PCDHGA6: variants seen among roughly 807,000 people sequenced by gnomAD.
The protein encoded by PCDHGA6 is protocadherin gamma-A6.
A neutral mutation model predicts 60.6 loss-of-function variants in PCDHGA6; 41 were observed. The ratio of observed to expected loss-of-function variants is 0.68; its 90% CI spans 0.53 to 0.88. The LOEUF (loss-of-function observed/expected upper bound fraction) is 0.88, where lower values mean the gene tolerates loss of function less well. Ranked by LOEUF, PCDHGA6 falls within the 40% of genes least tolerant of loss-of-function variation. The probability of loss-of-function intolerance (pLI) is 0.00; values close to 1 mark genes in which losing one functional copy is unlikely to be tolerated. For missense variants in PCDHGA6, 1,312 were observed against 1,203.0 expected (o/e 1.09, Z -1.34); for synonymous variants, 594 against 524.4 (o/e 1.13, Z -1.81).
chr5:141,421,246 C>T (rs1047768415), intron 1 of PCDHGA6: 16 of 1,603,622 alleles, frequency 1.0e-5, no homozygotes, highest in Admixed American at 1.7e-5. Flanking sequence ...TCGGCTACAG[C>T]GCGGGGACCG....
intron 1 of PCDHGA6, chr5:141,393,429 G>GCAA (rs761074463): frequency 2.5e-6 from 4 of 1,613,910 alleles, no homozygotes; most frequent in South Asian, 1.1e-5. Flanking sequence ...GGAGGAAGAG[G>GCAA]CTGCTCACCA....
intron 1 of PCDHGA6, chr5:141,392,226 A>C (rs1468453380): frequency 1.3e-5 from 2 of 152,228 alleles, no homozygotes; most frequent in Non-Finnish European, 2.9e-5. Flanking sequence ...GTGACAACTG[A>C]AGTTCTTAGT....
At position 141,376,323 on chromosome 5, in the gene PCDHGA6, G is replaced by C; in HGVS notation, c.2240G>C (p.Arg747Pro). ...CACTTTGTGGGCGTGGAAGGGGTTC[G>C]GGCTTTCCTGCAGACCTATTCCCAC... Reference protein sequence around the residue: ...GSHFVGVEGVRAFLQTYSHEV... With the variant: ...GSHFVGVEGVPAFLQTYSHEV... The change falls in exon 1 of 4, where the codon CGG becomes CCG. Residue 747 changes from arginine (R) to proline (P), a missense_variant. Arg to Pro is a moderately radical substitution (Grantham distance 103). Transcript: ENST00000517434. 4 of 1,614,162 alleles carry C rather than the reference G, an allele frequency of 2.5e-6. No homozygotes were observed. The highest frequency in any genetic ancestry group is 3.4e-6 in the Non-Finnish European group (4 of 1,180,038).
rs1179408656 is a variant in PCDHGA6, at chr5:141,395,537, A to ATTGT, written c.2424+19035_2424+19038dup. 1,010 of 243,944 alleles carry ATTGT rather than the reference A, an allele frequency of 4.1e-3. 17 individuals are homozygous for ATTGT. In the African/African-American group the frequency reaches 0.049, roughly 12 times the overall value. The allele number at this position is 243,944 out of a possible 1,614,324, so 15.1% of individuals were successfully genotyped here. On this transcript the variant is annotated intron_variant, in intron 1 of 3. Coordinates refer to ENST00000517434, the MANE Select transcript of PCDHGA6 (RefSeq NM_018919.3). ...ACCCGTCCATACTGGTAATTTTGCT[A>ATTGT]TTGTTTGTGTGTGTGTGTGTGTGTG... is the stretch of plus-strand genomic sequence containing the variant.
intron 2 of PCDHGA6, among the ~76,000 whole-genome samples, chr5:141,499,675 T>A (rs1426498530): frequency 2.0e-5 from 3 of 150,746 alleles, no homozygotes; most frequent in African/African-American, 7.3e-5. Flanking sequence ...GTCTCCACCA[T>A]CTTTAACAGA....
At chr5:141,419,124 T>A in intron 1 of PCDHGA6, 1 of 1,613,798 alleles carries the variant, frequency 6.2e-7, no homozygotes, top group Non-Finnish European at 8.5e-7. Context: ...AACGTCACCA[T>A]CGCAGCCACA....
chr5:141,490,423 T>C lies in PCDHGA6; in HGVS notation c.2425-4384T>C. ...CCTTGATATCTCTCCGGACCTGCCATTTCAGATTAAGCCTTCTGAGAACCA... is the reference window on the plus strand; with the variant it reads ...CCTTGATATCTCTCCGGACCTGCCACTTCAGATTAAGCCTTCTGAGAACCA... On this transcript the variant is annotated intron_variant, in intron 1 of 3. Coordinates refer to ENST00000517434, the MANE Select transcript of PCDHGA6 (RefSeq NM_018919.3). This position sits in a 1 kb window ranked among gnomAD's most constrained non-coding sequence, Gnocchi z 5.4. 6.2e-7 allele frequency: 1 copy of C among 1,614,172 alleles called. No individual in the cohort carries two copies. The highest frequency in any genetic ancestry group is 8.5e-7 in the Non-Finnish European group (1 of 1,180,028).
chr5:141,422,344 C>G, intron 1 of PCDHGA6: 1 of 1,550,890 alleles, frequency 6.4e-7, no homozygotes, highest in Non-Finnish European at 8.7e-7. Flanking sequence ...TCTAAATGTG[C>G]AAGATCAAGA....
At chr5:141,472,617 A>G (rs1024856184) in intron 1 of PCDHGA6, among the ~76,000 whole-genome samples, 3 of 152,138 alleles carry the variant, frequency 2.0e-5, no homozygotes, top group African/African-American at 7.2e-5. Flanking sequence ...CAAAGAAGAA[A>G]AAAGATAAAG....
intron 1 of PCDHGA6, chr5:141,394,749 G>C (rs1270810324): frequency 1.2e-6 from 2 of 1,613,424 alleles, no homozygotes; most frequent in Admixed American, 1.7e-5. Context: ...CGTGGTGGCC[G>C]TCCAGGACCA....
chr5:141,377,683 T>C (rs1160424297), intron 1 of PCDHGA6: 1 of 152,192 alleles, frequency 6.6e-6, no homozygotes, highest in Non-Finnish European at 1.5e-5. Context: ...AAGAGATCTT[T>C]CACCTTTACT....
intron 1 of PCDHGA6, chr5:141,399,141 C>T (rs778835051): frequency 1.9e-6 from 3 of 1,613,660 alleles, no homozygotes; most frequent in African/African-American, 1.3e-5. Flanking sequence ...ATGAAAATGA[C>T]AATAGCCCAG....
At chr5:141,415,791 C>G (rs2095959265) in intron 1 of PCDHGA6, 4 of 1,341,886 alleles carry the variant, frequency 3.0e-6, no homozygotes, top group Admixed American at 8.1e-5. Context: ...GTAAAATTCA[C>G]CTAGTCTCAA....
chr5:141,386,602 T>C (rs2090639414), intron 1 of PCDHGA6, among the ~76,000 whole-genome samples: 1 of 152,182 alleles, frequency 6.6e-6, no homozygotes, highest in African/African-American at 2.4e-5. Flanking sequence ...TACATTTTTT[T>C]TTTTTGACAT....
chr5:141,418,151 G>T, intron 1 of PCDHGA6: 1 of 1,614,108 alleles, frequency 6.2e-7, no homozygotes, highest in Non-Finnish European at 8.5e-7. Flanking sequence ...AATATGCAAA[G>T]AGAGAAGAAG....
At position 141,486,426 on chromosome 5, in the gene PCDHGA6, A is replaced by T; in HGVS notation, c.2425-8381A>T. 6.2e-7 allele frequency: 1 copy of T among 1,614,190 alleles called. No homozygotes were observed. The highest frequency in any genetic ancestry group is 8.5e-7 in the Non-Finnish European group (1 of 1,180,026). ...GCTGGACCCTTGGATCGAGAGGCCA[A>T]ATCTAGCTATGACATCATGGTCACT... On this transcript the variant is annotated intron_variant, in intron 1 of 3. Coordinates refer to ENST00000517434, the MANE Select transcript of PCDHGA6 (RefSeq NM_018919.3). This position sits in a 1 kb window ranked among gnomAD's most constrained non-coding sequence, Gnocchi z 5.0.
intron 1 of PCDHGA6, among the ~76,000 whole-genome samples, chr5:141,445,447 A>G (rs974383838): frequency 3.4e-4 from 51 of 152,222 alleles, no homozygotes; most frequent in Admixed American, 1.3e-3. Flanking sequence ...TGGACTAAGG[A>G]TGCAGCAATG....
chr5:141,449,588 C>CAAA (rs768743917), intron 1 of PCDHGA6, among the ~76,000 whole-genome samples: 1 of 57,476 alleles, frequency 1.7e-5, no homozygotes, highest in East Asian at 5.2e-4. Context: ...GACTCTGTCT[C>CAAA]AAAAAAAAAA....
At chr5:141,434,785 T>A (rs7727021) in intron 1 of PCDHGA6, among the ~76,000 whole-genome samples, 45,585 of 150,884 alleles carry the variant, frequency 0.3, 8,100 homozygotes, top group African/African-American at 0.51. Context: ...AAAAAAAAAA[T>A]TTTTTTTTCT....
Sources: allele counts gnomAD v4.1 joint callset (sites outside exome capture counted in the v4.1 genomes callset), GRCh38; gene constraint gnomAD v4.1.1; non-coding constraint Gnocchi (gnomAD v3.1); transcripts MANE v1.5; gene names NCBI Gene and HGNC (gene_info 2026-07-23, HGNC 2026-07-21).